The following PPFIBP2 variants were observed in gnomAD, a reference collection of about 807,000 sequenced individuals.
PPFIBP2 encodes the protein PPFIB scaffold protein 2.
In PPFIBP2, 118 loss-of-function variants were observed where a neutral mutation model predicts 118.3. The ratio of observed to expected loss-of-function variants is 1.00; its 90% CI spans 0.86 to 1.16. PPFIBP2 has a LOEUF of 1.16. Among genes scored for constraint, PPFIBP2 ranks in the 50% most tolerant of loss-of-function variants. The probability of loss-of-function intolerance (pLI) is 0.00; values close to 1 mark genes in which losing one functional copy is unlikely to be tolerated. For synonymous variants in PPFIBP2, 414 were observed against 397.4 expected (o/e 1.04, Z -0.50); for missense variants, 1,195 against 1,073.1 (o/e 1.11, Z -1.59).
the PPFIBP2 span, chr11:7,665,438 TG>T: frequency 6.2e-7 from 1 of 1,613,272 alleles, no homozygotes; most frequent in Middle Eastern, 1.6e-4. Context: ...AGCCGCCGTC[TG>T]GATTAGTGGT....
chr11:7,514,323 G>A (rs766936100), intron 1 of PPFIBP2, among the ~76,000 whole-genome samples: 1 of 152,264 alleles, frequency 6.6e-6, no homozygotes, highest in African/African-American at 2.4e-5. Flanking sequence ...AAGCCTGGGA[G>A]GAGGGCAGAA....
At chr11:7,656,792 G>C (rs976281539), downstream of PPFIBP2, 6 of 1,289,740 alleles carry the variant, frequency 4.7e-6, no homozygotes, top group African/African-American at 9.1e-5. Flanking sequence ...CTGATGACTG[G>C]AGATGACTTT....
At chr11:7,598,123 T>C (rs1190726170) in intron 5 of PPFIBP2, 2 of 158,448 alleles carry the variant, frequency 1.3e-5, no homozygotes, top group African/African-American at 2.4e-5. Flanking sequence ...TAGTATAATT[T>C]AATAGATATC....
In PPFIBP2 at chr11:7,559,601, G is replaced by T. The variant is rs555208948; in HGVS notation, c.65-5952G>T. 2.1e-4 allele frequency among the ~76,000 whole-genome samples: 32 copies of T among 152,216 alleles called. No homozygotes were observed. The South Asian group carries it at 6.6e-3, about 32-fold the overall frequency. ...ATGTCTCACTGGGGGGTGAGGGAGG[G>T]TGTATATGTGTGGTATTATAAACAC... On this transcript the variant is annotated intron_variant, in intron 2 of 23. Coordinates refer to ENST00000299492, the MANE Select transcript of PPFIBP2 (RefSeq NM_003621.5).
chr11:7,522,815 T>C (rs1849882558), intron 1 of PPFIBP2, among the ~76,000 whole-genome samples: 1 of 152,216 alleles, frequency 6.6e-6, no homozygotes, highest in South Asian at 2.1e-4. Flanking sequence ...TTTTAGGGTA[T>C]CAGCGCTCTT....
intron 2 of PPFIBP2, among the ~76,000 whole-genome samples, chr11:7,559,627 C>G (rs144591116): frequency 2.0e-5 from 3 of 152,186 alleles, no homozygotes; most frequent in African/African-American, 7.2e-5. Flanking sequence ...TTATAAACAC[C>G]TAGGGGGTTA....
chr11:7,556,405 G>A (rs920224729), intron 2 of PPFIBP2, among the ~76,000 whole-genome samples: 1 of 152,154 alleles, frequency 6.6e-6, no homozygotes, highest in Non-Finnish European at 1.5e-5. Flanking sequence ...CAATGATCGT[G>A]CCACTGCACT....
intron 3 of PPFIBP2, among the ~76,000 whole-genome samples, chr11:7,580,883 T>C (rs1395673291): frequency 2.0e-5 from 3 of 152,180 alleles, no homozygotes; most frequent in Non-Finnish European, 4.4e-5. Context: ...AAGGGAGAAG[T>C]TGAAAGAGGA....
intron 23 of PPFIBP2, 61 bp from the exon 24 acceptor site, chr11:7,652,963 C>T (rs1854268779): frequency 6.7e-7 from 1 of 1,503,710 alleles, no homozygotes; most frequent in Non-Finnish European, 9.0e-7. Flanking sequence ...AGTATATTGT[C>T]AGTCATACCT....
intron 1 of PPFIBP2, among the ~76,000 whole-genome samples, chr11:7,520,506 ATT>A (rs777224340): frequency 2.8e-5 from 4 of 143,138 alleles, no homozygotes; most frequent in Non-Finnish European, 1.6e-5. Context: ...TGGCCATAAG[ATT>A]TTTTTTTTTT....
At chr11:7,561,162 G>C (rs1369504500) in intron 2 of PPFIBP2, among the ~76,000 whole-genome samples, 1 of 152,220 alleles carries the variant, frequency 6.6e-6, no homozygotes, top group Non-Finnish European at 1.5e-5. Flanking sequence ...CTGCCTCCCA[G>C]GTTCAAGCGA....
chr11:7,653,562 C>G lies in PPFIBP2; in HGVS notation c.*344C>G. 1 of 1,311,738 alleles carries G rather than the reference C, an allele frequency of 7.6e-7. No homozygotes were observed. Among genetic ancestry groups the G allele is most frequent in the Non-Finnish European group, 1.0e-6 (1 of 1,004,172 alleles). 81.3% of individuals were successfully genotyped at this position (1,311,738 alleles called of 1,614,324 possible). On this transcript the variant is annotated 3_prime_UTR_variant, in exon 24 of 24. Transcript: ENST00000299492. The stretch of plus-strand genomic sequence containing the variant: ...AGAGACCATGGACACTCCCACGAGG[C>G]TCAGCTCTCAGGCACCCCCTACACT...
chr11:7,522,146 T>G (rs1258512167), intron 1 of PPFIBP2, among the ~76,000 whole-genome samples: 1 of 152,016 alleles, frequency 6.6e-6, no homozygotes, highest in African/African-American at 2.4e-5. Flanking sequence ...CCCACTGAGG[T>G]AGCTCAGGAC....
In PPFIBP2 at chr11:7,641,188, G is replaced by C. The variant is rs977606961; in HGVS notation, c.1376-291G>C. On this transcript the variant is annotated intron_variant, in intron 15 of 23. Transcript: ENST00000299492. ...TGCCTGCGTTCCTGCATCTCCCTCTGAGGAAAAAGAAGCTGCTTGTTGGAA... is the reference window on the plus strand; with the variant it reads ...TGCCTGCGTTCCTGCATCTCCCTCTCAGGAAAAAGAAGCTGCTTGTTGGAA... 2.3e-5 allele frequency: 21 copies of C among 907,642 alleles called. No homozygotes were observed. In the African/African-American group the frequency reaches 3.2e-4, roughly 14 times the overall value. The allele number at this position is 907,642 out of a possible 1,614,324, so 56.2% of individuals were successfully genotyped here. A position where few individuals can be genotyped will look rare whatever the true frequency, so the allele number is the denominator to read the frequency against.
chr11:7,666,406 G>C, the PPFIBP2 span: 1 of 1,269,856 alleles, frequency 7.9e-7, no homozygotes, highest in Non-Finnish European at 1.1e-6. Flanking sequence ...AAGTGGTCAA[G>C]GGTTGGTGCT....
Position 7,653,665 on chromosome 11 carries a change from G to A in PPFIBP2, c.*447G>A. 3 of 1,290,966 alleles carry A rather than the reference G, an allele frequency of 2.3e-6. No homozygotes were observed. Among genetic ancestry groups the A allele is most frequent in the Non-Finnish European group, 3.0e-6 (3 of 990,250 alleles). The allele number at this position is 1,290,966 out of a possible 1,614,324, so 80.0% of individuals were successfully genotyped here. A position where few individuals can be genotyped will look rare whatever the true frequency, so the allele number is the denominator to read the frequency against. Reference sequence around the variant, plus strand: ...TGAGATCAAAGGGATGAGCAACAGGGACTTCTGCCACAGTGACAATGGAAT... The same window carrying A: ...TGAGATCAAAGGGATGAGCAACAGGAACTTCTGCCACAGTGACAATGGAAT... On this transcript the variant is annotated 3_prime_UTR_variant, in exon 24 of 24. Transcript: ENST00000299492.
chr11:7,540,528 G>C (rs1055685824), intron 1 of PPFIBP2, among the ~76,000 whole-genome samples: 6 of 152,312 alleles, frequency 3.9e-5, no homozygotes, highest in Non-Finnish European at 7.4e-5. Context: ...AGGGAGGTGG[G>C]TGCTCAGGAT....
chr11:7,565,714 C>T lies in PPFIBP2; in HGVS notation c.226C>T (p.Gln76Ter), dbSNP rs746099859. The T allele has an allele frequency of 3.7e-6, 6 of 1,614,188 alleles. No homozygotes were observed. In the Admixed American group the frequency reaches 1.0e-4, roughly 27 times the overall value. The change falls in exon 3 of 24, where the codon CAG becomes TAG. Residue 76 changes from glutamine (Q) to a stop codon, truncating the protein, a stop_gained. Coordinates refer to ENST00000299492, the MANE Select transcript of PPFIBP2 (RefSeq NM_003621.5). LOFTEE classifies it high-confidence loss of function. ...LPQERAALLS[Q>*]IPGPTAAYIK... The stretch of plus-strand genomic sequence containing the variant: ...TCAGGAGAGAGCAGCCCTCCTGAGC[C>T]AGATCCCTGGCCCAACAGCTGCCTA...
At chr11:7,555,225 C>T (rs577643354) in intron 2 of PPFIBP2, among the ~76,000 whole-genome samples, 88 of 152,258 alleles carry the variant, frequency 5.8e-4, no homozygotes, top group African/African-American at 1.5e-3. Context: ...ACTTACTCCT[C>T]TTGGCTCTGC....
Sources: allele counts gnomAD v4.1 joint callset (sites outside exome capture counted in the v4.1 genomes callset), GRCh38; gene constraint gnomAD v4.1.1; transcripts MANE v1.5; gene names NCBI Gene and HGNC (gene_info 2026-07-23, HGNC 2026-07-21).